Variants in CUX1 observed in about 807,000 individuals in gnomAD.
CUX1 encodes cut like homeobox 1.
A neutral mutation model predicts 158.8 loss-of-function variants in CUX1; 31 were observed. The ratio of observed to expected loss-of-function variants is 0.20; its 90% CI spans 0.15 to 0.26. The LOEUF (loss-of-function observed/expected upper bound fraction) is 0.26. Among genes scored for constraint, CUX1 ranks in the 10% least tolerant of loss-of-function variants. The probability of loss-of-function intolerance (pLI) is 1.00; values close to 1 mark genes in which losing one functional copy is unlikely to be tolerated. For synonymous variants in CUX1, 879 were observed against 862.1 expected (o/e 1.02, Z -0.34); for missense variants, 1,589 against 2,014.6 (o/e 0.79, Z 4.04).
intron 4 of CUX1, among the ~76,000 whole-genome samples, chr7:102,079,769 A>G (rs1554477937): frequency 6.6e-6 from 1 of 152,160 alleles, no homozygotes; most frequent in Admixed American, 6.5e-5. Context: ...CAAACAAAAC[A>G]GGACAGAAAG....
chr7:102,258,358 C>A, downstream of CUX1: 1 of 190,094 alleles, frequency 5.3e-6, no homozygotes, highest in Non-Finnish European at 9.7e-6. Context: ...TGCACCTGTC[C>A]GCAGGTCCTC....
chr7:102,213,812 TCA>T (rs1258202913), intron 20 of CUX1, among the ~76,000 whole-genome samples: 3 of 152,180 alleles, frequency 2.0e-5, no homozygotes, highest in Non-Finnish European at 4.4e-5. Context: ...TCTGTGCCAC[TCA>T]CAGAGCTGAT....
intron 20 of CUX1, among the ~76,000 whole-genome samples, chr7:102,209,681 G>A (rs145743582): frequency 9.9e-4 from 151 of 152,182 alleles, no homozygotes; most frequent in African/African-American, 3.5e-3. Flanking sequence ...TTTCAAGATG[G>A]AGTTGCAGGT....
intron 3 of CUX1, among the ~76,000 whole-genome samples, chr7:102,036,928 T>C (rs993877707): frequency 6.6e-6 from 1 of 152,218 alleles, no homozygotes; most frequent in African/African-American, 2.4e-5. Context: ...CACTGGCTGC[T>C]ATCTGTAATC....
chr7:101,843,635 G>A (rs1225674169), intron 1 of CUX1, among the ~76,000 whole-genome samples: 1 of 151,798 alleles, frequency 6.6e-6, no homozygotes, highest in South Asian at 2.1e-4. Context: ...TCAACTGCCT[G>A]GAGTAGGGAT....
intron 9 of CUX1, among the ~76,000 whole-genome samples, chr7:102,165,133 A>G (rs2049306496): frequency 6.6e-6 from 1 of 152,008 alleles, no homozygotes; most frequent in African/African-American, 2.4e-5. Context: ...CATGTCGCAC[A>G]TGAGACCCCC....
At chr7:102,060,121 CA>C (rs35914570) in intron 3 of CUX1, among the ~76,000 whole-genome samples, 1 of 151,414 alleles carries the variant, frequency 6.6e-6, no homozygotes, top group Non-Finnish European at 1.5e-5. Flanking sequence ...TAAAAAAATA[CA>C]AAAAAAGTAG....
intron 6 of CUX1, among the ~76,000 whole-genome samples, chr7:102,105,214 C>CACAG (rs1390218740): frequency 6.7e-6 from 1 of 149,688 alleles, no homozygotes; most frequent in East Asian, 1.9e-4. Flanking sequence ...CACACACACA[C>CACAG]AGACTCTCTG....
intron 2 of CUX1, among the ~76,000 whole-genome samples, chr7:101,918,064 C>T (rs1709709266): frequency 6.6e-6 from 1 of 152,212 alleles, no homozygotes; most frequent in Admixed American, 6.5e-5. Flanking sequence ...GCAAGGCCAT[C>T]CTTCAGAGGC....
At chr7:101,822,021 A>AT (rs1209151104) in intron 1 of CUX1, among the ~76,000 whole-genome samples, 2 of 150,658 alleles carry the variant, frequency 1.3e-5, no homozygotes, top group African/African-American at 4.9e-5. Context: ...CGCCCGGCTA[A>AT]TTTTTTCTAT....
Position 101,949,814 on chromosome 7 carries a change from G to T in CUX1, c.141+33589G>T, listed in dbSNP as rs563972003. On this transcript the variant is annotated intron_variant, in intron 2 of 23. Coordinates refer to ENST00000292535, the MANE Select transcript of CUX1 (RefSeq NM_181552.4). ...CCCAAAGTGCTGGGATTACAGGCAT[G>T]AGCCACCACGCCTAGCGAGTGCTTG... 2.6e-5 allele frequency among the ~76,000 whole-genome samples: 4 copies of T among 151,558 alleles called. No homozygotes were observed. The South Asian group carries it at 8.4e-4, about 32-fold the overall frequency.
At chr7:102,195,894 G>A (rs1049447844) in intron 14 of CUX1, among the ~76,000 whole-genome samples, 4 of 152,188 alleles carry the variant, frequency 2.6e-5, no homozygotes, top group Admixed American at 6.5e-5. Flanking sequence ...GGAGGACGTC[G>A]GCCTTTCTGA....
In CUX1 at chr7:102,129,144, A is replaced by T. The variant is rs1445377248; in HGVS notation, c.674+13871A>T. 3.9e-5 allele frequency among the ~76,000 whole-genome samples: 6 copies of T among 152,168 alleles called. No individual in the cohort carries two copies. The South Asian group carries it at 8.3e-4, about 21-fold the overall frequency. ...AGGTCTCTTCCCACTCTTAAGAATT[A>T]TGTCGCTTTCCATGATGAGTTTGTA... On this transcript the variant is annotated intron_variant, in intron 8 of 23. Coordinates refer to ENST00000292535, the MANE Select transcript of CUX1 (RefSeq NM_181552.4).
chr7:102,173,262 A>G (rs1403595763), intron 10 of CUX1, among the ~76,000 whole-genome samples: 3 of 152,198 alleles, frequency 2.0e-5, no homozygotes, highest in African/African-American at 4.8e-5. Flanking sequence ...CAGGAGGCTG[A>G]GGTAGGAGAA....
At chr7:101,917,353 T>G (rs772849891) in intron 2 of CUX1, among the ~76,000 whole-genome samples, 1 of 152,332 alleles carries the variant, frequency 6.6e-6, no homozygotes, top group East Asian at 1.9e-4. Flanking sequence ...AGAATAAATA[T>G]TTTAGGAGAA....
At chr7:102,158,649 C>T (rs781827117) in intron 9 of CUX1, 41 bp downstream of exon 9, 31 of 1,596,230 alleles carry the variant, frequency 1.9e-5, no homozygotes, top group South Asian at 3.3e-5. Flanking sequence ...CCCACAATAG[C>T]GGGCCCGTTT....
Position 102,248,849 on chromosome 7 carries a change from G to C in CUX1, c.4325G>C (p.Ser1442Thr). ...PAAPSSAPPP[S>T]NSSSSSAPRR... ...GCCCCGAGCTCCGCGCCGCCGCCCA[G>C]CAACAGCAGCAGCAGCAGCGCCCCC... The change falls in exon 24 of 24, where the codon AGC becomes ACC. Residue 1442 changes from serine (S) to threonine (T), a missense_variant. Ser to Thr is a moderately conservative substitution (Grantham distance 58). Coordinates refer to ENST00000292535, the MANE Select transcript of CUX1 (RefSeq NM_181552.4). The surrounding 1 kb of genome is among the most constrained non-coding windows in gnomAD (Gnocchi z 5.8). The C allele has an allele frequency of 7.9e-7, 1 of 1,264,544 alleles. No individual in the cohort carries two copies. The highest frequency in any genetic ancestry group is 1.0e-6 in the Non-Finnish European group (1 of 998,700). 78.3% of individuals were successfully genotyped at this position (1,264,544 alleles called of 1,614,324 possible).
intron 2 of CUX1, among the ~76,000 whole-genome samples, chr7:102,000,534 T>C (rs959720899): frequency 7.9e-5 from 12 of 152,202 alleles, no homozygotes; most frequent in Non-Finnish European, 1.3e-4. Flanking sequence ...TTGGAAAACA[T>C]TCTTGTTTAA....
At chr7:102,244,758 A>G (rs1177085997) in intron 23 of CUX1, among the ~76,000 whole-genome samples, 3 of 152,042 alleles carry the variant, frequency 2.0e-5, no homozygotes, top group African/African-American at 7.2e-5. Context: ...CCAGAACAAC[A>G]TGCCACAGGA....
Sources: gnomAD v4.1 joint callset for allele counts (sites outside exome capture counted in the v4.1 genomes callset) on GRCh38, gnomAD v4.1.1 for gene constraint, Gnocchi (gnomAD v3.1) non-coding constraint, MANE v1.5 for transcripts, NCBI Gene and HGNC (gene_info 2026-07-23, HGNC 2026-07-21) for gene names.